Variants in CDK14 observed in about 807,000 individuals in gnomAD.
The protein encoded by CDK14 is cyclin-dependent kinase 14.
In CDK14, 34 loss-of-function variants were observed where a neutral mutation model predicts 60.7. That is an observed-to-expected ratio of 0.56 (90% CI 0.43 to 0.75). The LOEUF (loss-of-function observed/expected upper bound fraction) is 0.75. CDK14 is among the 30% of genes least tolerant of loss of function. The pLI, the probability that CDK14 is intolerant of heterozygous loss-of-function variation, is 0.00. For missense variants in CDK14, 482 were observed against 564.1 expected, an observed-to-expected ratio of 0.85 and a Z score of 1.47; for synonymous variants, 197 against 203.7, an observed-to-expected ratio of 0.97 and a Z score of 0.28.
intron 14 of CDK14, among the ~76,000 whole-genome samples, chr7:91,171,348 T>TA (rs914193516): frequency 2.6e-5 from 4 of 151,942 alleles, no homozygotes; most frequent in Admixed American, 1.3e-4. Context: ...ACACTGCATC[T>TA]AAAAAAAATT....
intron 2 of CDK14, among the ~76,000 whole-genome samples, chr7:90,658,012 A>G (rs1036729052): frequency 4.6e-5 from 7 of 152,100 alleles, no homozygotes; most frequent in African/African-American, 1.7e-4. Flanking sequence ...CTCTCAATTT[A>G]GATTTGTCTG....
intron 5 of CDK14, among the ~76,000 whole-genome samples, chr7:90,846,330 A>G (rs1010040212): frequency 6.6e-6 from 1 of 152,046 alleles, no homozygotes; most frequent in African/African-American, 2.4e-5. Flanking sequence ...CAGTTGTTAC[A>G]CTCTCATGCA....
chr7:91,136,054 CA>C (rs140889015), intron 14 of CDK14, among the ~76,000 whole-genome samples: 2,638 of 152,162 alleles, frequency 0.017, 68 homozygotes, highest in African/African-American at 0.058. Context: ...TTTTTATTGG[CA>C]TGGATCATTT....
chr7:90,782,388 C>G (rs1308422169), intron 4 of CDK14, among the ~76,000 whole-genome samples: 1 of 152,106 alleles, frequency 6.6e-6, no homozygotes, highest in Non-Finnish European at 1.5e-5. Flanking sequence ...TTCCTCTTTT[C>G]CTAATTGAAT....
chr7:90,747,577 T>C, intron 3 of CDK14, 104 bp from the exon 4 acceptor site: 1 of 675,692 alleles, frequency 1.5e-6, no homozygotes, highest in Non-Finnish European at 2.6e-6. Flanking sequence ...AAAACAGTTA[T>C]TTAAAAAGTG....
chr7:90,844,313 T>C (rs1325302234), intron 5 of CDK14, among the ~76,000 whole-genome samples: 1 of 152,172 alleles, frequency 6.6e-6, no homozygotes, highest in Non-Finnish European at 1.5e-5. Flanking sequence ...TCATCTCAGG[T>C]GGCTTTGATT....
chr7:90,652,846 T>A (rs1800672549), intron 2 of CDK14, among the ~76,000 whole-genome samples: 1 of 152,212 alleles, frequency 6.6e-6, no homozygotes, highest in Admixed American at 6.5e-5. Flanking sequence ...GATTTAAACC[T>A]TAGGTTGGCC....
chr7:90,757,209 A>AGTGTGTGTGTGT (rs56790315), intron 4 of CDK14, among the ~76,000 whole-genome samples: 1,504 of 119,948 alleles, frequency 0.013, 2 homozygotes, highest in Non-Finnish European at 0.019. Context: ...GCATTCTTCC[A>AGTGTGTGTGTGT]GTGTGTGTGT....
intron 8 of CDK14, among the ~76,000 whole-genome samples, chr7:90,935,074 T>G (rs578015099): frequency 6.6e-6 from 1 of 152,358 alleles, no homozygotes; most frequent in Non-Finnish European, 1.5e-5. Flanking sequence ...AAGGCCTTCT[T>G]GCTGTGTCAT....
intron 1 of CDK14, among the ~76,000 whole-genome samples, chr7:90,599,411 G>T (rs1265293844): frequency 1.3e-5 from 2 of 152,190 alleles, no homozygotes. Context: ...TTTGAACTGG[G>T]TTTTCGCTGC....
At chr7:90,876,510 G>T (rs1791567388) in intron 6 of CDK14, among the ~76,000 whole-genome samples, 1 of 152,220 alleles carries the variant, frequency 6.6e-6, no homozygotes, top group Non-Finnish European at 1.5e-5. Flanking sequence ...TTCAACTCAT[G>T]CCCACTTCCT....
At chr7:91,090,372 G>A (rs748606202) in intron 12 of CDK14, among the ~76,000 whole-genome samples, 6 of 152,146 alleles carry the variant, frequency 3.9e-5, no homozygotes, top group Non-Finnish European at 8.8e-5. Flanking sequence ...AAGAATGTTC[G>A]CTATCTTCAC....
intron 8 of CDK14, among the ~76,000 whole-genome samples, chr7:90,918,050 T>A (rs1562827669): frequency 6.6e-6 from 1 of 152,142 alleles, no homozygotes; most frequent in Non-Finnish European, 1.5e-5. Flanking sequence ...TTTTTGAAAC[T>A]TTTATTATGA....
At position 90,615,108 on chromosome 7, in the gene CDK14, T is replaced by A. The variant is rs560033031; in HGVS notation, c.123+10859T>A. Among the ~76,000 whole-genome samples the A allele has an allele frequency of 1.2e-4, 19 of 152,266 alleles. No individual in the cohort carries two copies. The South Asian group carries it at 3.9e-3, about 32-fold the overall frequency. ...TTCTATGATAATGATGAATCTTATGTGTATGAGTAAGGAATGTGTTGAAAA... is the reference window on the plus strand; with the variant it reads ...TTCTATGATAATGATGAATCTTATGAGTATGAGTAAGGAATGTGTTGAAAA... On this transcript the variant is annotated intron_variant, in intron 2 of 14. Transcript: ENST00000380050.
chr7:90,838,485 C>A (rs753534223), intron 5 of CDK14, among the ~76,000 whole-genome samples: 1 of 152,034 alleles, frequency 6.6e-6, no homozygotes, highest in Non-Finnish European at 1.5e-5. Context: ...CGGGGTCAGG[C>A]AGAATAGAGC....
intron 9 of CDK14, among the ~76,000 whole-genome samples, chr7:90,972,094 ATAT>A (rs1324443464): frequency 6.6e-6 from 1 of 152,230 alleles, no homozygotes; most frequent in Admixed American, 6.5e-5. Context: ...TGAAAAATAA[ATAT>A]TATAGTTTCC....
At chr7:91,019,357 G>C (rs372724763) in intron 10 of CDK14, among the ~76,000 whole-genome samples, 1 of 152,042 alleles carries the variant, frequency 6.6e-6, no homozygotes, top group African/African-American at 2.4e-5. Flanking sequence ...CCTTACCCAG[G>C]GAAAATTACA....
intron 14 of CDK14, among the ~76,000 whole-genome samples, chr7:91,182,094 C>A (rs890439543): frequency 6.6e-6 from 1 of 151,904 alleles, no homozygotes; most frequent in African/African-American, 2.4e-5. Context: ...AAAATGATAC[C>A]TCTTTCTACA....
intron 5 of CDK14, among the ~76,000 whole-genome samples, chr7:90,802,981 T>C (rs1373410721): frequency 6.6e-6 from 1 of 152,192 alleles, no homozygotes; most frequent in African/African-American, 2.4e-5. Flanking sequence ...ATCTTTCAGC[T>C]ACCTGGAGAT....
Sources: allele counts gnomAD v4.1 joint callset (sites outside exome capture counted in the v4.1 genomes callset), GRCh38; gene constraint gnomAD v4.1.1; transcripts MANE v1.5; gene names NCBI Gene and HGNC (gene_info 2026-07-23, HGNC 2026-07-21).